Variants in TRIO observed in about 807,000 individuals in gnomAD.
TRIO encodes the protein trio Rho guanine nucleotide exchange factor, also known as triple functional domain protein.
Under a neutral mutation model 351.9 loss-of-function variants are expected in TRIO, and 58 were observed. The ratio of observed to expected loss-of-function variants is 0.16; its 90% CI spans 0.13 to 0.21. The LOEUF (loss-of-function observed/expected upper bound fraction) is 0.21, where lower values mean the gene tolerates loss of function less well. Ranked by LOEUF, TRIO falls within the 10% of genes least tolerant of loss-of-function variation. The pLI, the probability that TRIO is intolerant of heterozygous loss-of-function variation, is 1.00. For missense variants in TRIO, 3,201 were observed against 4,027.8 expected (o/e 0.79, Z 5.56); for synonymous variants, 1,758 against 1,595.7 (o/e 1.10, Z -2.42).
chr5:14,388,070 A>G (rs1041922112), intron 23 of TRIO: 6 of 544,942 alleles, frequency 1.1e-5, no homozygotes, highest in Non-Finnish European at 2.0e-5. Context: ...CCTGTGTTTC[A>G]TTTGGAGTTG....
chr5:14,506,746 T>C (rs1757715098), intron 55 of TRIO, among the ~76,000 whole-genome samples: 1 of 151,998 alleles, frequency 6.6e-6, no homozygotes, highest in Non-Finnish European at 1.5e-5. Flanking sequence ...ATTCTACAGG[T>C]GAGGAAACTA....
chr5:14,228,023 G>A (rs1413802056), intron 1 of TRIO, among the ~76,000 whole-genome samples: 1 of 152,100 alleles, frequency 6.6e-6, no homozygotes, highest in Non-Finnish European at 1.5e-5. Flanking sequence ...GCTTTTGGGG[G>A]GATTCAGAGG....
chr5:14,445,390 A>T (rs1752365757), intron 34 of TRIO, among the ~76,000 whole-genome samples: 1 of 152,236 alleles, frequency 6.6e-6, no homozygotes, highest in African/African-American at 2.4e-5. Context: ...TCCCAGACAG[A>T]GCGAGCAGCA....
rs867584855 is a variant in TRIO, at chr5:14,488,496, C to T, written c.7632+236C>T. ...AAGCCGATCATTAACCTTCTCAACG[C>T]AGCGTCTTTTGGTTTCTTCCATTTC... On this transcript the variant is annotated intron_variant, in intron 48 of 56. Coordinates refer to ENST00000344204, the MANE Select transcript of TRIO (RefSeq NM_007118.4). The T allele has an allele frequency of 6.9e-6, 4 of 583,602 alleles. No individual in the cohort carries two copies. In the Middle Eastern group the frequency reaches 1.8e-3, roughly 267 times the overall value. 36.2% of individuals were successfully genotyped at this position (583,602 alleles called of 1,614,324 possible).
At chr5:14,233,127 G>C (rs190564576) in intron 1 of TRIO, among the ~76,000 whole-genome samples, 1 of 152,152 alleles carries the variant, frequency 6.6e-6, no homozygotes, top group East Asian at 1.9e-4. Context: ...CTATGATTGA[G>C]GTCAGATACC....
At chr5:14,144,176 C>T (rs891179550) in intron 1 of TRIO, among the ~76,000 whole-genome samples, 4 of 152,210 alleles carry the variant, frequency 2.6e-5, no homozygotes, top group Admixed American at 6.5e-5. Context: ...TCTGCCGCTC[C>T]CGGCAGCCGC....
In TRIO at chr5:14,481,304, TG is replaced by T; in HGVS notation, c.6387+23del. Reference sequence around the variant, plus strand: ...TTAGAGGTACATGCATCAGCGGCTGTGGGCACCCAAATCCCCACCAGCCTCT... The same window carrying T: ...TTAGAGGTACATGCATCAGCGGCTGTGGCACCCAAATCCCCACCAGCCTCT... On this transcript the variant is annotated intron_variant, in intron 44 of 56. Coordinates refer to ENST00000344204, the MANE Select transcript of TRIO (RefSeq NM_007118.4). 1 of 1,612,586 alleles carries T rather than the reference TG, an allele frequency of 6.2e-7. No individual in the cohort carries two copies. The highest frequency in any genetic ancestry group is 1.1e-5 in the South Asian group (1 of 90,616).
intron 1 of TRIO, among the ~76,000 whole-genome samples, chr5:14,228,040 G>A (rs1196606847): frequency 6.6e-6 from 1 of 152,128 alleles, no homozygotes; most frequent in Non-Finnish European, 1.5e-5. Context: ...GAGGGAGGGT[G>A]TGGGGGCCTG....
chr5:14,244,770 C>A (rs979200670), intron 1 of TRIO, among the ~76,000 whole-genome samples: 1 of 152,206 alleles, frequency 6.6e-6, no homozygotes, highest in Non-Finnish European at 1.5e-5. Context: ...GCCTGGATTG[C>A]AGCGGGTCCT....
intron 47 of TRIO, among the ~76,000 whole-genome samples, chr5:14,485,997 A>G (rs1030369613): frequency 3.3e-5 from 5 of 152,152 alleles, no homozygotes; most frequent in African/African-American, 4.8e-5. Context: ...TCAAAAAAAA[A>G]AAAAGAGACG....
At chr5:14,442,912 G>A (rs187046003) in intron 34 of TRIO, among the ~76,000 whole-genome samples, 310 of 152,192 alleles carry the variant, frequency 2.0e-3, no homozygotes, top group African/African-American at 6.8e-3. Context: ...AATAGAGCAC[G>A]CCCCTCAGGA....
chr5:14,395,716 A>G (rs1197467341), intron 28 of TRIO, among the ~76,000 whole-genome samples: 2 of 152,200 alleles, frequency 1.3e-5, no homozygotes, highest in East Asian at 3.9e-4. Context: ...GACTACCAAG[A>G]CACAAAACAC....
chr5:14,451,292 T>C (rs1161932837), intron 34 of TRIO, among the ~76,000 whole-genome samples: 1 of 152,094 alleles, frequency 6.6e-6, no homozygotes, highest in Non-Finnish European at 1.5e-5. Flanking sequence ...ATGTGATCTG[T>C]AAGAGAATTT....
chr5:14,289,427 G>A (rs369263320), intron 4 of TRIO, among the ~76,000 whole-genome samples: 4 of 152,182 alleles, frequency 2.6e-5, no homozygotes, highest in African/African-American at 7.2e-5. Flanking sequence ...GGTGGCACAC[G>A]TGTAATTCCA....
At chr5:14,195,455 G>A (rs1019640727) in intron 1 of TRIO, among the ~76,000 whole-genome samples, 1 of 152,054 alleles carries the variant, frequency 6.6e-6, no homozygotes, top group African/African-American at 2.4e-5. Flanking sequence ...TAGTTAAGAT[G>A]GTGTCCGCCA....
At chr5:14,333,384 T>A (rs1040724571) in intron 10 of TRIO, among the ~76,000 whole-genome samples, 6 of 152,180 alleles carry the variant, frequency 3.9e-5, no homozygotes, top group Admixed American at 6.5e-5. Flanking sequence ...CCTTCACGGA[T>A]GAAAAGACGA....
intron 55 of TRIO, 157 bp downstream of exon 55, chr5:14,504,750 C>T: frequency 4.4e-6 from 4 of 906,304 alleles, no homozygotes; most frequent in Non-Finnish European, 6.6e-6. Context: ...AGTTTTCAAG[C>T]CTTCCAGTAA....
chr5:14,271,041 C>A, intron 2 of TRIO, 142 bp downstream of exon 2: 1 of 656,364 alleles, frequency 1.5e-6, no homozygotes, highest in Non-Finnish European at 2.6e-6. Flanking sequence ...TCTTGTAGCA[C>A]TGTTTCTGAG....
In TRIO at chr5:14,488,973, G is replaced by A. The variant is rs180997535; in HGVS notation, c.7632+713G>A. ...CGTCTCAAGCACAAGGGTTGCTGTGGTGGGTTTTCCCTCTGTTTCCTGCTT... is the reference window on the plus strand; with the variant it reads ...CGTCTCAAGCACAAGGGTTGCTGTGATGGGTTTTCCCTCTGTTTCCTGCTT... On this transcript the variant is annotated intron_variant, in intron 48 of 56. Coordinates refer to ENST00000344204, the MANE Select transcript of TRIO (RefSeq NM_007118.4). 439 of 764,872 alleles carry A rather than the reference G, an allele frequency of 5.7e-4. 1 individual carries two copies. The East Asian group carries it at 9.3e-3, about 16-fold the overall frequency. 47.4% of individuals were successfully genotyped at this position (764,872 alleles called of 1,614,324 possible).
Sources: allele counts gnomAD v4.1 joint callset (sites outside exome capture counted in the v4.1 genomes callset), GRCh38; gene constraint gnomAD v4.1.1; transcripts MANE v1.5; gene names NCBI Gene and HGNC (gene_info 2026-07-23, HGNC 2026-07-21).